Variants in EPB41L2 observed in about 807,000 individuals in gnomAD.
The protein encoded by EPB41L2 is band 4.1-like protein 2.
Under a neutral mutation model 113.0 loss-of-function variants are expected in EPB41L2, and 43 were observed. The ratio of observed to expected loss-of-function variants is 0.38; its 90% CI spans 0.30 to 0.49. The LOEUF is 0.49. EPB41L2 is among the 20% of genes least tolerant of loss of function. The pLI is 0.95. For synonymous variants in EPB41L2, 442 were observed against 436.7 expected (o/e 1.01, Z -0.15); for missense variants, 1,147 against 1,223.4 (o/e 0.94, Z 0.93).
At chr6:130,861,602 T>TAG (rs1562318857) in intron 18 of EPB41L2, among the ~76,000 whole-genome samples, 2 of 152,122 alleles carry the variant, frequency 1.3e-5, no homozygotes, top group African/African-American at 2.4e-5. Flanking sequence ...CCAGGTGTGG[T>TAG]AGCTCACGAC....
chr6:131,023,770 TAG>T (rs200639489), intron 1 of EPB41L2, among the ~76,000 whole-genome samples: 1 of 135,564 alleles, frequency 7.4e-6, no homozygotes, highest in Non-Finnish European at 1.7e-5. Context: ...TATAGATATA[TAG>T]ATATATAGAT....
intron 3 of EPB41L2, among the ~76,000 whole-genome samples, chr6:130,931,079 T>C (rs769933247): frequency 6.6e-6 from 1 of 151,928 alleles, no homozygotes; most frequent in Non-Finnish European, 1.5e-5. Context: ...TTCACAGACA[T>C]GGAGAACAGA....
chr6:131,058,171 A>T (rs1797954041), intron 1 of EPB41L2, among the ~76,000 whole-genome samples: 1 of 150,746 alleles, frequency 6.6e-6, no homozygotes, highest in Admixed American at 6.6e-5. Context: ...AAGATAACTG[A>T]GAATATGAAA....
At position 130,865,583 on chromosome 6, in the gene EPB41L2, T is replaced by C. The variant is rs1479234623; in HGVS notation, c.2782A>G (p.Ile928Val). The C allele has an allele frequency of 1.2e-6, 2 of 1,614,200 alleles. No homozygotes were observed. The highest frequency in any genetic ancestry group is 8.5e-7 in the Non-Finnish European group (1 of 1,180,016). Residue 928 changes from isoleucine (I) to valine (V), a missense_variant, in exon 17 of 20, where the codon ATC (isoleucine) becomes GTC (valine). By Grantham distance (29) the Ile-to-Val change is conservative. Coordinates refer to ENST00000337057, the MANE Select transcript of EPB41L2 (RefSeq NM_001431.4). The part of the protein sequence containing the change: ...DSGTLLTAQT[I>V]TSESVSTTTT... ...GTTGTTGACACGGACTCAGATGTGATGGTTTGTGCGGTCAGTAACGTGCCC... is the reference window on the plus strand; with the variant it reads ...GTTGTTGACACGGACTCAGATGTGACGGTTTGTGCGGTCAGTAACGTGCCC...
intron 3 of EPB41L2, among the ~76,000 whole-genome samples, chr6:130,952,754 G>A (rs974997445): frequency 6.6e-6 from 1 of 151,348 alleles, no homozygotes; most frequent in Non-Finnish European, 1.5e-5. Flanking sequence ...AGGATGCAGT[G>A]AGCCGAGATC....
At chr6:131,060,148 A>C (rs1020634117) in intron 1 of EPB41L2, among the ~76,000 whole-genome samples, 1 of 152,268 alleles carries the variant, frequency 6.6e-6, no homozygotes, top group Non-Finnish European at 1.5e-5. Flanking sequence ...GGCGTGCGCC[A>C]CCATGCCCGG....
At chr6:130,913,523 G>T (rs938372769) in intron 4 of EPB41L2, among the ~76,000 whole-genome samples, 1 of 152,076 alleles carries the variant, frequency 6.6e-6, no homozygotes, top group African/African-American at 2.4e-5. Flanking sequence ...ACAGTTTTAG[G>T]CAACCAGTGA....
intron 4 of EPB41L2, among the ~76,000 whole-genome samples, chr6:130,912,219 A>T (rs1799632719): frequency 6.6e-6 from 1 of 152,202 alleles, no homozygotes; most frequent in Non-Finnish European, 1.5e-5. Flanking sequence ...CCCTGTTGCC[A>T]AACAGGTTGG....
In EPB41L2 at chr6:130,956,244, C is replaced by A; in HGVS notation, c.242G>T (p.Trp81Leu). Residue 81 changes from tryptophan (W) to leucine (L), a missense_variant, in exon 2 of 20, where the codon TGG becomes TTG. Physicochemically the swap from Trp to Leu is moderately conservative, Grantham distance 61. Transcript: ENST00000337057. ...SRGISRFIPP[W>L]LKKQKSYTLV... ...GGTATATGACTTTTGCTTCTTAAGC[C>A]ATGGCGGTATGAACCGAGAAATACC... 6.2e-7 allele frequency: 1 copy of A among 1,614,178 alleles called. No homozygotes were observed. Among genetic ancestry groups the A allele is most frequent in the Middle Eastern group, 1.6e-4 (1 of 6,062 alleles).
chr6:131,054,456 C>T (rs1584812224), intron 1 of EPB41L2, among the ~76,000 whole-genome samples: 1 of 152,272 alleles, frequency 6.6e-6, no homozygotes, highest in African/African-American at 2.4e-5. Context: ...CTCTACGGTC[C>T]CTGTTAGTTC....
At chr6:131,011,381 G>A (rs980853372) in intron 1 of EPB41L2, among the ~76,000 whole-genome samples, 1 of 152,206 alleles carries the variant, frequency 6.6e-6, no homozygotes, top group Non-Finnish European at 1.5e-5. Context: ...ATTACAAACG[G>A]TAGGCCCAAG....
intron 14 of EPB41L2, among the ~76,000 whole-genome samples, chr6:130,875,082 T>C (rs1487346165): frequency 6.6e-6 from 1 of 152,228 alleles, no homozygotes; most frequent in Non-Finnish European, 1.5e-5. Context: ...ATTATCTTTC[T>C]CATTTGCAAT....
chr6:130,954,040 CTTTTT>C (rs780758511), intron 3 of EPB41L2, among the ~76,000 whole-genome samples: 845 of 58,740 alleles, frequency 0.014, 9 homozygotes, highest in East Asian at 0.025. Flanking sequence ...CCTTTTCTTT[CTTTTT>C]TTTTTTTTTT....
intron 1 of EPB41L2, among the ~76,000 whole-genome samples, chr6:130,983,287 A>G (rs985509351): frequency 6.6e-6 from 1 of 152,210 alleles, no homozygotes; most frequent in Non-Finnish European, 1.5e-5. Context: ...ATATCAGTAT[A>G]TGCCTTTCTT....
At chr6:131,011,439 T>C (rs1786950420) in intron 1 of EPB41L2, among the ~76,000 whole-genome samples, 1 of 152,258 alleles carries the variant, frequency 6.6e-6, no homozygotes, top group African/African-American at 2.4e-5. Flanking sequence ...ACAAGGTGGA[T>C]ATTTTGTAGA....
At position 130,999,287 on chromosome 6, in the gene EPB41L2, A is replaced by G. The variant is rs1783824977; in HGVS notation, c.-14-42788T>C. Among the ~76,000 whole-genome samples the G allele has an allele frequency of 1.3e-5, 2 of 152,152 alleles. 1 individual carries two copies. The highest frequency in any genetic ancestry group is 4.1e-4 in the South Asian group (2 of 4,826). Reference sequence around the variant, plus strand: ...GCAAGTCTGTCTTACTTATTTCTGTATGCACCACAGCAACCAACCATACCC... The same window carrying G: ...GCAAGTCTGTCTTACTTATTTCTGTGTGCACCACAGCAACCAACCATACCC... On this transcript the variant is annotated intron_variant, in intron 1 of 19. Coordinates refer to ENST00000337057, the MANE Select transcript of EPB41L2 (RefSeq NM_001431.4).
chr6:130,867,575 C>T lies in EPB41L2; in HGVS notation c.2614G>A (p.Val872Met). 2 of 1,613,748 alleles carry T rather than the reference C, an allele frequency of 1.2e-6. No individual in the cohort carries two copies. The highest frequency in any genetic ancestry group is 1.7e-6 in the Non-Finnish European group (2 of 1,179,814). Reference protein sequence around the residue: ...PQIICCSEPPVVKTEMVTISD... With the variant: ...PQIICCSEPPMVKTEMVTISD... ...ATTGTTACCATCTCTGTTTTTACCA[C>T]TGGTGGCTGAGGTGGAAAAGGAAGG... is the stretch of plus-strand genomic sequence containing the variant. The change falls in exon 16 of 20, where the codon GTG (valine) becomes ATG (methionine). Residue 872 changes from valine to methionine, a missense_variant. Physicochemically the swap from Val to Met is conservative, Grantham distance 21. Coordinates refer to ENST00000337057, the MANE Select transcript of EPB41L2 (RefSeq NM_001431.4).
At chr6:130,999,596 C>T (rs1783913728) in intron 1 of EPB41L2, among the ~76,000 whole-genome samples, 1 of 152,128 alleles carries the variant, frequency 6.6e-6, no homozygotes, top group Admixed American at 6.6e-5. Context: ...CTTCACCCTG[C>T]ATGATTGCTT....
chr6:131,055,265 A>G (rs1464105745), intron 1 of EPB41L2, among the ~76,000 whole-genome samples: 1 of 152,220 alleles, frequency 6.6e-6, no homozygotes, highest in Non-Finnish European at 1.5e-5. Flanking sequence ...GAAAGCAAAA[A>G]GTGCAAAACC....
Sources: gnomAD v4.1 joint callset for allele counts (sites outside exome capture counted in the v4.1 genomes callset) on GRCh38, gnomAD v4.1.1 for gene constraint, MANE v1.5 for transcripts, NCBI Gene and HGNC (gene_info 2026-07-23, HGNC 2026-07-21) for gene names.